The following NEDD4 variants were observed in gnomAD, a reference collection of about 807,000 sequenced individuals.
The protein encoded by NEDD4 is NEDD4 E3 ubiquitin protein ligase, also known as E3 ubiquitin-protein ligase NEDD4.
NEDD4 carries 99 observed loss-of-function variants against 144.9 expected under a neutral mutation model. The ratio of observed to expected loss-of-function variants is 0.68; its 90% CI spans 0.58 to 0.81. The LOEUF (loss-of-function observed/expected upper bound fraction) is 0.81, where lower values mean the gene tolerates loss of function less well. Ranked by LOEUF, NEDD4 falls within the 30% of genes least tolerant of loss-of-function variation. The probability of loss-of-function intolerance (pLI) is 0.00; values close to 1 mark genes in which losing one functional copy is unlikely to be tolerated. For synonymous variants in NEDD4, 318 were observed against 350.6 expected (o/e 0.91, Z 1.04); for missense variants, 985 against 1,065.9 (o/e 0.92, Z 1.06).
chr15:55,925,983 T>A (rs137964612), intron 4 of NEDD4, among the ~76,000 whole-genome samples: 3 of 151,980 alleles, frequency 2.0e-5, no homozygotes, highest in African/African-American at 7.2e-5. Context: ...AAAATACATA[T>A]ACATATGTAT....
intron 1 of NEDD4, among the ~76,000 whole-genome samples, chr15:55,972,947 A>C (rs2037635458): frequency 6.6e-6 from 1 of 152,252 alleles, no homozygotes; most frequent in South Asian, 2.1e-4. Flanking sequence ...AATTGTAAAT[A>C]CATATGCATC....
intron 2 of NEDD4, among the ~76,000 whole-genome samples, chr15:55,965,163 A>C (rs2037491573): frequency 6.6e-6 from 1 of 152,088 alleles, no homozygotes; most frequent in African/African-American, 2.4e-5. Flanking sequence ...TCATGCAACT[A>C]ATCATCCTGT....
intron 4 of NEDD4, among the ~76,000 whole-genome samples, chr15:55,933,454 T>C (rs2036821582): frequency 6.9e-6 from 1 of 144,978 alleles, no homozygotes; most frequent in Admixed American, 7.4e-5. Flanking sequence ...CCGCATGTTC[T>C]CACTCACAGG....
chr15:55,919,869 G>A (rs976764365), intron 5 of NEDD4, among the ~76,000 whole-genome samples: 7 of 152,228 alleles, frequency 4.6e-5, no homozygotes, highest in South Asian at 2.1e-4. Flanking sequence ...AGTCAGCTGC[G>A]GTGGTTAATT....
chr15:55,842,397 A>C (rs2033556489), intron 18 of NEDD4, among the ~76,000 whole-genome samples: 1 of 152,008 alleles, frequency 6.6e-6, no homozygotes, highest in African/African-American at 2.4e-5. Context: ...ACATCTGAAG[A>C]AGCTTTTGTT....
chr15:55,939,062 T>C (rs1333547276), intron 4 of NEDD4, among the ~76,000 whole-genome samples: 1 of 152,144 alleles, frequency 6.6e-6, no homozygotes, highest in African/African-American at 2.4e-5. Context: ...GCCATGATTG[T>C]GCCACTGCGC....
intron 5 of NEDD4, among the ~76,000 whole-genome samples, chr15:55,899,048 AAAC>A (rs1448677453): frequency 6.6e-6 from 1 of 152,246 alleles, no homozygotes; most frequent in Non-Finnish European, 1.5e-5. Flanking sequence ...TGATCAGTGA[AAAC>A]AAAGATTTCT....
chr15:55,935,241 C>A (rs66735896), intron 4 of NEDD4, among the ~76,000 whole-genome samples: 20,412 of 152,118 alleles, frequency 0.13, 1,492 homozygotes, highest in East Asian at 0.32. Flanking sequence ...AAACCTGCCT[C>A]TTTTTAAACA....
In NEDD4 at chr15:55,841,970, A is replaced by G. The variant is rs1292292518; in HGVS notation, c.1802T>C (p.Phe601Ser). ...EWFFLISKEM[F>S]NPYYGLFEYS... Reference sequence around the variant, plus strand: ...TTCAAACAACCCATAATAAGGGTTAAACATTTCCTTTGAGATCAGGAAGAA... The same window carrying G: ...TTCAAACAACCCATAATAAGGGTTAGACATTTCCTTTGAGATCAGGAAGAA... Residue 601 changes from phenylalanine to serine, a missense_variant, in exon 19 of 29, where the codon TTT becomes TCT. Phe to Ser is a radical substitution (Grantham distance 155). Coordinates refer to ENST00000435532, the MANE Select transcript of NEDD4 (RefSeq NM_006154.4). The G allele has an allele frequency of 1.9e-6, 3 of 1,614,148 alleles. No individual in the cohort carries two copies. In the Admixed American group the frequency reaches 5.0e-5, roughly 27 times the overall value.
rs770799930 is a variant in NEDD4 at position 55,834,151 on chromosome 15, T to C, written c.2323-6A>G. On this transcript the variant is annotated splice_polypyrimidine_tract_variant and splice_region_variant and intron_variant, in intron 25 of 28. Coordinates refer to ENST00000435532, the MANE Select transcript of NEDD4 (RefSeq NM_006154.4). Reference sequence around the variant, plus strand: ...CCCAGTCCACACATAAGAAGCTACATAAGAAATGTCAAATTATAAACAAGG... The same window carrying C: ...CCCAGTCCACACATAAGAAGCTACACAAGAAATGTCAAATTATAAACAAGG... 1.9e-6 allele frequency: 3 copies of C among 1,612,010 alleles called. No homozygotes were observed. Among genetic ancestry groups the C allele is most frequent in the Non-Finnish European group, 2.5e-6 (3 of 1,178,790 alleles).
At chr15:55,982,401 C>T (rs2140447128) in intron 1 of NEDD4, among the ~76,000 whole-genome samples, 1 of 152,186 alleles carries the variant, frequency 6.6e-6, no homozygotes, top group South Asian at 2.1e-4. Context: ...TGGATATATT[C>T]ATACAACGAA....
chr15:55,992,591 C>G (rs1356908154), intron 1 of NEDD4, among the ~76,000 whole-genome samples: 1 of 152,196 alleles, frequency 6.6e-6, no homozygotes, highest in Non-Finnish European at 1.5e-5. Context: ...TCACTCGGAA[C>G]CAGTCACTGT....
chr15:55,948,027 T>C (rs1311855932), intron 4 of NEDD4, among the ~76,000 whole-genome samples: 6 of 152,188 alleles, frequency 3.9e-5, no homozygotes, highest in African/African-American at 1.4e-4. Flanking sequence ...TGTTTGCAGA[T>C]GACATGATTG....
Position 55,850,694 on chromosome 15 carries a change from G to C in NEDD4, c.1195C>G (p.Pro399Ala). The C allele has an allele frequency of 6.2e-7, 1 of 1,613,982 alleles. No homozygotes were observed. The highest frequency in any genetic ancestry group is 8.5e-7 in the Non-Finnish European group (1 of 1,180,012). Residue 399 changes from proline to alanine, a missense_variant, in exon 14 of 29, where the codon CCT (proline) becomes GCT (alanine). Pro to Ala is a conservative substitution (Grantham distance 27). Transcript: ENST00000435532. ...QLTSSQSSAG[P>A]QSQASTSDSG... ...TCACTGGTGGAGGCTTGTGATTGAG[G>C]GCCTGCAGAACTCTGGCTTGAGGTC...
At chr15:55,912,321 A>C (rs1275452144) in intron 5 of NEDD4, among the ~76,000 whole-genome samples, 1 of 152,200 alleles carries the variant, frequency 6.6e-6, no homozygotes, top group Non-Finnish European at 1.5e-5. Flanking sequence ...TGAAATGTAT[A>C]ATCTTGAGAT....
intron 5 of NEDD4, among the ~76,000 whole-genome samples, chr15:55,906,694 A>G (rs750006882): frequency 8.5e-5 from 13 of 152,206 alleles, no homozygotes; most frequent in South Asian, 2.1e-4. Flanking sequence ...TGACGAGTTA[A>G]TGGGTGCAGC....
rs1213145088 is a variant in NEDD4 at position 55,828,810 on chromosome 15, T to G, written c.*1087A>C. ...TTTTAAAAGGCATAAGAAATAGTAA[T>G]AAATTTAATACAAATTATGCATTAT... On this transcript the variant is annotated 3_prime_UTR_variant, in exon 29 of 29. Coordinates refer to ENST00000435532, the MANE Select transcript of NEDD4 (RefSeq NM_006154.4). 1.3e-5 allele frequency: 2 copies of G among 152,632 alleles called. No homozygotes were observed. Among genetic ancestry groups the G allele is most frequent in the African/African-American group, 4.8e-5 (2 of 41,456 alleles). The allele number at this position is 152,632 out of a possible 1,614,324, so 9.5% of individuals were successfully genotyped here. A position where few individuals can be genotyped will look rare whatever the true frequency, so the allele number is the denominator to read the frequency against.
At chr15:55,974,268 C>T (rs1715925882) in intron 1 of NEDD4, among the ~76,000 whole-genome samples, 1 of 152,128 alleles carries the variant, frequency 6.6e-6, no homozygotes, top group African/African-American at 2.4e-5. Flanking sequence ...GAGGTTGAAG[C>T]TGTAGTAAAG....
intron 1 of NEDD4, among the ~76,000 whole-genome samples, chr15:55,972,394 A>G (rs1368561211): frequency 6.6e-6 from 1 of 152,240 alleles, no homozygotes; most frequent in East Asian, 1.9e-4. Context: ...GATAAAGTGT[A>G]GAGTTTTTAT....
Sources: allele counts gnomAD v4.1 joint callset (sites outside exome capture counted in the v4.1 genomes callset), GRCh38; gene constraint gnomAD v4.1.1; transcripts MANE v1.5; gene names NCBI Gene and HGNC (gene_info 2026-07-23, HGNC 2026-07-21).